ACBD6: variants seen among roughly 807,000 people sequenced by gnomAD.
The protein encoded by ACBD6 is acyl-CoA-binding domain-containing protein 6.
In ACBD6, 28 loss-of-function variants were observed where a neutral mutation model predicts 37.2. That is an observed-to-expected ratio of 0.75 (90% CI 0.56 to 1.03). The LOEUF (loss-of-function observed/expected upper bound fraction) is 1.03, where lower values mean the gene tolerates loss of function less well. ACBD6 is among the 50% of genes least tolerant of loss of function. ACBD6 has a pLI of 0.00. For synonymous variants in ACBD6, 113 were observed against 126.8 expected (o/e 0.89, Z 0.73); for missense variants, 340 against 337.4 (o/e 1.01, Z -0.06).
At chr1:180,325,943 C>A (rs928786744) in intron 6 of ACBD6, among the ~76,000 whole-genome samples, 1 of 152,194 alleles carries the variant, frequency 6.6e-6, no homozygotes, top group African/African-American at 2.4e-5. Context: ...CCTGTGGCCA[C>A]CACCACTGGG....
intron 2 of ACBD6, among the ~76,000 whole-genome samples, chr1:180,493,489 T>C (rs1023057763): frequency 3.9e-5 from 6 of 152,078 alleles, no homozygotes; most frequent in African/African-American, 1.4e-4. Flanking sequence ...TGATTTGCTG[T>C]CAAACAGAAC....
At chr1:180,493,664 T>A (rs1472487594) in intron 2 of ACBD6, among the ~76,000 whole-genome samples, 2 of 152,210 alleles carry the variant, frequency 1.3e-5, no homozygotes, top group African/African-American at 4.8e-5. Flanking sequence ...AAATTTATCA[T>A]CAATTACTAT....
chr1:180,352,915 G>A (rs78435080), intron 6 of ACBD6, among the ~76,000 whole-genome samples: 3,010 of 152,240 alleles, frequency 0.02, 101 homozygotes, highest in African/African-American at 0.067. Flanking sequence ...TAGCTTGTTC[G>A]TGGTATGTCA....
At chr1:180,284,134 G>A (rs907025111), downstream of ACBD6, among the ~76,000 whole-genome samples, 5 of 152,102 alleles carry the variant, frequency 3.3e-5, no homozygotes, top group Non-Finnish European at 5.9e-5. Context: ...GCCAATTAAT[G>A]CATATTTGAA....
chr1:180,320,625 C>G (rs993920833), intron 6 of ACBD6, among the ~76,000 whole-genome samples: 1 of 151,784 alleles, frequency 6.6e-6, no homozygotes, highest in African/African-American at 2.4e-5. Context: ...GGTGACAGAG[C>G]GAGATCCTGT....
chr1:180,482,651 G>C (rs1191644256), intron 3 of ACBD6, among the ~76,000 whole-genome samples: 1 of 152,092 alleles, frequency 6.6e-6, no homozygotes, highest in Non-Finnish European at 1.5e-5. Context: ...GGTTTTACTA[G>C]ATGCGAGTAG....
chr1:180,384,882 A>C (rs1653792622), intron 6 of ACBD6, among the ~76,000 whole-genome samples: 1 of 152,206 alleles, frequency 6.6e-6, no homozygotes, highest in African/African-American at 2.4e-5. Flanking sequence ...CCTTATGTCA[A>C]GTGAAATAAG....
chr1:180,360,297 T>C (rs895256945), intron 6 of ACBD6, among the ~76,000 whole-genome samples: 7 of 152,234 alleles, frequency 4.6e-5, no homozygotes, highest in African/African-American at 7.2e-5. Context: ...CAAGACTGTA[T>C]TGGTATCCAT....
intron 3 of ACBD6, among the ~76,000 whole-genome samples, chr1:180,479,136 A>G (rs1650924634): frequency 6.6e-6 from 1 of 152,190 alleles, no homozygotes; most frequent in Non-Finnish European, 1.5e-5. Flanking sequence ...TTGTCTCTAA[A>G]AACAAACAAA....
chr1:180,488,337 A>G (rs1261111186), intron 3 of ACBD6, among the ~76,000 whole-genome samples: 2 of 152,246 alleles, frequency 1.3e-5, no homozygotes, highest in Non-Finnish European at 2.9e-5. Flanking sequence ...GATGAAACAC[A>G]TAACAGAAAA....
At chr1:180,327,476 G>A (rs1651299053) in intron 6 of ACBD6, among the ~76,000 whole-genome samples, 1 of 152,154 alleles carries the variant, frequency 6.6e-6, no homozygotes, top group Admixed American at 6.5e-5. Flanking sequence ...GTTAAAACCA[G>A]GTACTGTGAT....
At chr1:180,493,652 G>C (rs986581104) in intron 2 of ACBD6, among the ~76,000 whole-genome samples, 1 of 152,056 alleles carries the variant, frequency 6.6e-6, no homozygotes, top group African/African-American at 2.4e-5. Flanking sequence ...CACAAACTCA[G>C]GAAATTTATC....
intron 4 of ACBD6, among the ~76,000 whole-genome samples, chr1:180,417,338 C>T (rs1295191212): frequency 1.3e-5 from 2 of 152,138 alleles, no homozygotes; most frequent in African/African-American, 4.8e-5. Context: ...GGCATTACAC[C>T]TCTCTCCTTA....
chr1:180,318,541 A>G (rs1016641521), intron 6 of ACBD6, among the ~76,000 whole-genome samples: 1 of 152,152 alleles, frequency 6.6e-6, no homozygotes, highest in Non-Finnish European at 1.5e-5. Context: ...CCTCCAGAAT[A>G]ATTTTGCTTT....
At chr1:180,315,612 T>G (rs561619585) in intron 6 of ACBD6, among the ~76,000 whole-genome samples, 4 of 152,292 alleles carry the variant, frequency 2.6e-5, no homozygotes, top group Admixed American at 2.6e-4. Flanking sequence ...CTTTTCCCAC[T>G]TCCTAACAGC....
At chr1:180,325,596 G>A (rs985773539) in intron 6 of ACBD6, among the ~76,000 whole-genome samples, 6 of 152,052 alleles carry the variant, frequency 3.9e-5, no homozygotes, top group Non-Finnish European at 8.8e-5. Context: ...GTGAGGTTGT[G>A]TTTCCCTGGA....
chr1:180,292,006 T>A (rs1649726270), intron 7 of ACBD6, among the ~76,000 whole-genome samples: 1 of 152,242 alleles, frequency 6.6e-6, no homozygotes, highest in Non-Finnish European at 1.5e-5. Context: ...TTGGATCTAT[T>A]TCTAGGTTAT....
chr1:180,435,914 C>A, intron 3 of ACBD6: 1 of 1,386,632 alleles, frequency 7.2e-7, no homozygotes, highest in Non-Finnish European at 1.0e-6. Flanking sequence ...TGGCCACAAG[C>A]TTGGTTTAGG....
intron 1 of ACBD6, among the ~76,000 whole-genome samples, chr1:180,497,190 T>C (rs1260503020): frequency 6.6e-6 from 1 of 152,238 alleles, no homozygotes; most frequent in Non-Finnish European, 1.5e-5. Context: ...ATCCAGACAC[T>C]ATCCAGTGGC....
Sources: allele counts gnomAD v4.1 joint callset (sites outside exome capture counted in the v4.1 genomes callset), GRCh38; gene constraint gnomAD v4.1.1; transcripts MANE v1.5; gene names NCBI Gene and HGNC (gene_info 2026-07-23, HGNC 2026-07-21).